Variants in AGO3 observed in about 807,000 individuals in gnomAD.
The protein encoded by AGO3 is argonaute RISC catalytic component 3.
Under a neutral mutation model 105.5 loss-of-function variants are expected in AGO3, and 16 were observed. The ratio of observed to expected loss-of-function variants is 0.15; its 90% CI spans 0.10 to 0.23. The LOEUF (loss-of-function observed/expected upper bound fraction) is 0.23. Among genes scored for constraint, AGO3 ranks in the 10% least tolerant of loss-of-function variants. The probability of loss-of-function intolerance (pLI) is 1.00; values close to 1 mark genes in which losing one functional copy is unlikely to be tolerated. For missense variants in AGO3, 534 were observed against 1,088.0 expected (o/e 0.49, Z 7.16); for synonymous variants, 340 against 367.3 (o/e 0.93, Z 0.85).
intron 5 of AGO3, among the ~76,000 whole-genome samples, chr1:35,996,489 G>A (rs546264538): frequency 1.1e-4 from 16 of 151,770 alleles, no homozygotes; most frequent in Non-Finnish European, 2.1e-4. Context: ...GAATATGTGT[G>A]GTCGGGCACA....
At chr1:36,052,411 G>A (rs1262264361) in intron 17 of AGO3, among the ~76,000 whole-genome samples, 3 of 152,044 alleles carry the variant, frequency 2.0e-5, no homozygotes, top group Admixed American at 1.3e-4. Flanking sequence ...AGGAAAGGGA[G>A]GGGGATTACC....
intron 11 of AGO3, among the ~76,000 whole-genome samples, chr1:36,023,068 A>G (rs1641323161): frequency 6.6e-6 from 1 of 152,240 alleles, no homozygotes; most frequent in South Asian, 2.1e-4. Flanking sequence ...ACTCAGTTAA[A>G]CATCCAAGGC....
At chr1:35,960,378 G>T (rs1366903133) in intron 2 of AGO3, among the ~76,000 whole-genome samples, 1 of 152,072 alleles carries the variant, frequency 6.6e-6, no homozygotes, top group East Asian at 1.9e-4. Context: ...TACTCAGAAG[G>T]CTAAGGCAGG....
At chr1:35,939,357 AGTAAT>A (rs1259103762) in intron 1 of AGO3, among the ~76,000 whole-genome samples, 2 of 152,310 alleles carry the variant, frequency 1.3e-5, no homozygotes, top group Admixed American at 1.3e-4. Flanking sequence ...CACCAGGTAA[AGTAAT>A]GACCATGGAG....
At position 36,004,283 on chromosome 1, in the gene AGO3, A is replaced by G. The variant is rs570744899; in HGVS notation, c.659-58A>G. 148 of 1,531,582 alleles carry G rather than the reference A, an allele frequency of 9.7e-5. No individual in the cohort carries two copies. The East Asian group carries it at 3.4e-3, about 35-fold the overall frequency. The allele number at this position is 1,531,582 out of a possible 1,614,324, so 94.9% of individuals were successfully genotyped here. On this transcript the variant is annotated intron_variant, in intron 5 of 18. Coordinates refer to ENST00000373191, the MANE Select transcript of AGO3 (RefSeq NM_024852.4). ...GATAGTTATCCTGGAGCCTAAGATG[A>G]AGTTTCTGAATTTTTTAGGGAAACA... is the stretch of plus-strand genomic sequence containing the variant.
chr1:35,938,531 A>G (rs1646194845), intron 1 of AGO3, among the ~76,000 whole-genome samples: 1 of 152,104 alleles, frequency 6.6e-6, no homozygotes, highest in African/African-American at 2.4e-5. Context: ...TTCCCATATC[A>G]TTACTTACAT....
At chr1:36,029,696 CTT>C (rs370133222) in intron 12 of AGO3, among the ~76,000 whole-genome samples, 23 of 122,940 alleles carry the variant, frequency 1.9e-4, no homozygotes, top group Non-Finnish European at 2.4e-4. Flanking sequence ...ATGCCCGGCC[CTT>C]TTTTTTTTTT....
rs1006359988 is a variant in AGO3, at chr1:36,067,200, G to A, written c.*11455G>A. 16 of 152,144 alleles carry A rather than the reference G, an allele frequency of 1.1e-4. No individual in the cohort carries two copies. Among genetic ancestry groups the A allele is most frequent in the African/African-American group, 2.9e-4 (12 of 41,406 alleles). 9.4% of individuals were successfully genotyped at this position (152,144 alleles called of 1,614,324 possible). ...GAAAATGGTTTTGGTGTGGGATTTG[G>A]TAAAAACACTGGTTAGTTTGTAATG... On this transcript the variant is annotated 3_prime_UTR_variant, in exon 19 of 19. Transcript: ENST00000373191.
chr1:35,950,852 A>T (rs1646458464), intron 2 of AGO3, among the ~76,000 whole-genome samples: 1 of 152,222 alleles, frequency 6.6e-6, no homozygotes, highest in African/African-American at 2.4e-5. Context: ...GATACATGTT[A>T]AAAATTATGT....
Position 36,061,456 on chromosome 1 carries a change from T to C in AGO3, c.*5711T>C, listed in dbSNP as rs188933205. ...TTGATTAAATCTCAAGAATCTTTTG[T>C]TCTTAAAATATGGAAGTTAAAGATT... On this transcript the variant is annotated 3_prime_UTR_variant, in exon 19 of 19. Transcript: ENST00000373191. 1.3e-5 allele frequency: 2 copies of C among 152,336 alleles called. No homozygotes were observed. Among genetic ancestry groups the C allele is most frequent in the Admixed American group, 6.5e-5 (1 of 15,294 alleles). The allele number at this position is 152,336 out of a possible 1,614,324, so 9.4% of individuals were successfully genotyped here. A position where few individuals can be genotyped will look rare whatever the true frequency, so the allele number is the denominator to read the frequency against.
intron 1 of AGO3, among the ~76,000 whole-genome samples, chr1:35,935,644 G>A (rs778989932): frequency 3.3e-5 from 5 of 152,232 alleles, no homozygotes; most frequent in Non-Finnish European, 7.3e-5. Context: ...TTTCCTGGAA[G>A]AATTCTCTGT....
rs1643122754 is a variant in AGO3 at position 36,068,517 on chromosome 1, A to C, written c.*12772A>C. ...CAATCTTTAAAATAAATAAATAAAT[A>C]AGAATTATTCTTGAAAGTAATATTC... On this transcript the variant is annotated 3_prime_UTR_variant, in exon 19 of 19. Coordinates refer to ENST00000373191, the MANE Select transcript of AGO3 (RefSeq NM_024852.4). The C allele has an allele frequency of 6.6e-6, 1 of 152,200 alleles. No individual in the cohort carries two copies. The highest frequency in any genetic ancestry group is 6.5e-5 in the Admixed American group (1 of 15,280). The allele number at this position is 152,200 out of a possible 1,614,324, so 9.4% of individuals were successfully genotyped here.
At chr1:35,963,346 A>C (rs972396332) in intron 2 of AGO3, among the ~76,000 whole-genome samples, 2 of 151,654 alleles carry the variant, frequency 1.3e-5, no homozygotes, top group Non-Finnish European at 2.9e-5. Flanking sequence ...TTTACAGATA[A>C]ATCTTTTAAA....
chr1:35,939,541 A>C (rs943663609), intron 1 of AGO3, among the ~76,000 whole-genome samples: 4 of 152,190 alleles, frequency 2.6e-5, no homozygotes, highest in African/African-American at 9.7e-5. Context: ...ATGTCAGGGC[A>C]GGAGGCCTGG....
rs1349950728 is a variant in AGO3 at position 36,055,771 on chromosome 1, GAAGTACTGAAAGATGAATTGACATACA to G, written c.*28_*54del. 6.2e-7 allele frequency: 1 copy of G among 1,604,986 alleles called. No individual in the cohort carries two copies. The highest frequency in any genetic ancestry group is 2.2e-5 in the East Asian group (1 of 44,838). On this transcript the variant is annotated 3_prime_UTR_variant, in exon 19 of 19. Transcript: ENST00000373191. This position sits in a 1 kb window ranked among gnomAD's most constrained non-coding sequence, Gnocchi z 4.4. Reference sequence around the variant, plus strand: ...ATAGTCCAAGTATATTCTCTGAGAGGAAGTACTGAAAGATGAATTGACATACAACGTATGTTTCCAGTGAAGTCAATT... The same window carrying G: ...ATAGTCCAAGTATATTCTCTGAGAGGACGTATGTTTCCAGTGAAGTCAATT...
chr1:35,993,286 G>A (rs942510296), intron 5 of AGO3, among the ~76,000 whole-genome samples: 2 of 151,976 alleles, frequency 1.3e-5, no homozygotes, highest in Non-Finnish European at 2.9e-5. Context: ...ATAAAGATTA[G>A]AGCAAAATTT....
intron 2 of AGO3, among the ~76,000 whole-genome samples, chr1:35,966,011 G>A (rs2148769153): frequency 6.6e-6 from 1 of 152,082 alleles, no homozygotes; most frequent in East Asian, 1.9e-4. Flanking sequence ...TTTTAGTAGA[G>A]ACAGGGTTTC....
At chr1:35,963,673 A>G (rs561537777) in intron 2 of AGO3, among the ~76,000 whole-genome samples, 1 of 149,000 alleles carries the variant, frequency 6.7e-6, no homozygotes. Context: ...GGGTTGGAGT[A>G]AAAAAAAAAC....
At chr1:35,991,119 C>T (rs967097307) in intron 5 of AGO3, among the ~76,000 whole-genome samples, 2 of 152,156 alleles carry the variant, frequency 1.3e-5, no homozygotes, top group African/African-American at 4.8e-5. Context: ...GCCTGGCCAA[C>T]ACAGTGAAAC....
Sources: gnomAD v4.1 joint callset for allele counts (sites outside exome capture counted in the v4.1 genomes callset) on GRCh38, gnomAD v4.1.1 for gene constraint, Gnocchi (gnomAD v3.1) non-coding constraint, MANE v1.5 for transcripts, NCBI Gene and HGNC (gene_info 2026-07-23, HGNC 2026-07-21) for gene names.